The following SIRT1 variants were observed in gnomAD, a reference collection of about 807,000 sequenced individuals.
The protein encoded by SIRT1 is NAD-dependent protein deacetylase sirtuin-1.
SIRT1 carries 24 observed loss-of-function variants against 67.9 expected under a neutral mutation model. The ratio of observed to expected loss-of-function variants is 0.35; its 90% CI spans 0.26 to 0.50. The LOEUF is 0.50. SIRT1 is among the 20% of genes least tolerant of loss of function. The pLI is 0.98. For missense variants in SIRT1, 873 were observed against 937.2 expected (o/e 0.93, Z 0.89); for synonymous variants, 378 against 350.7 (o/e 1.08, Z -0.87).
chr10:67,912,054 G>A (rs1842908778), intron 7 of SIRT1, among the ~76,000 whole-genome samples: 4 of 152,242 alleles, frequency 2.6e-5, no homozygotes, highest in Middle Eastern at 3.4e-3. Context: ...GTGAGCCACT[G>A]TACCCAGCTC....
Position 67,918,067 on chromosome 10 carries a change from A to G in SIRT1, c.*1474A>G, listed in dbSNP as rs2029978769. On this transcript the variant is annotated 3_prime_UTR_variant, in exon 9 of 9. Transcript: ENST00000212015. Reference sequence around the variant, plus strand: ...AATCGTATTGAATGGCCATTTCCCTACTTATAAGATGTCTCAATCTGAATT... The same window carrying G: ...AATCGTATTGAATGGCCATTTCCCTGCTTATAAGATGTCTCAATCTGAATT... 2 of 152,628 alleles carry G rather than the reference A, an allele frequency of 1.3e-5. No homozygotes were observed. The highest frequency in any genetic ancestry group is 2.4e-5 in the African/African-American group (1 of 41,448). 9.5% of individuals were successfully genotyped at this position (152,628 alleles called of 1,614,324 possible). A position where few individuals can be genotyped will look rare whatever the true frequency, so the allele number is the denominator to read the frequency against.
Position 67,909,194 on chromosome 10 carries a change from C to G in SIRT1, c.1171-62C>G. 2.7e-6 allele frequency: 3 copies of G among 1,115,724 alleles called. No individual in the cohort carries two copies. In the South Asian group the frequency reaches 4.9e-5, roughly 18 times the overall value. 69.1% of individuals were successfully genotyped at this position (1,115,724 alleles called of 1,614,324 possible). A position where few individuals can be genotyped will look rare whatever the true frequency, so the allele number is the denominator to read the frequency against. ...ATTCTTAGAGGTATGGAAATGTTGA[C>G]TATTTCTAACTTGGGCTTACTCTTT... On this transcript the variant is annotated intron_variant, in intron 6 of 8. Coordinates refer to ENST00000212015, the MANE Select transcript of SIRT1 (RefSeq NM_012238.5).
chr10:67,894,549 A>C (rs1054439410), intron 4 of SIRT1, among the ~76,000 whole-genome samples: 1 of 152,176 alleles, frequency 6.6e-6, no homozygotes, highest in Non-Finnish European at 1.5e-5. Context: ...CATTGACACT[A>C]TCAGAAGACC....
chr10:67,908,891 G>T (rs1241068102), intron 6 of SIRT1, among the ~76,000 whole-genome samples: 1 of 152,062 alleles, frequency 6.6e-6, no homozygotes, highest in African/African-American at 2.4e-5. Context: ...AACAGAACAA[G>T]ACTCCATCTC....
rs569169888 is a variant in SIRT1 at position 67,893,326 on chromosome 10, T to G, written c.942+1772T>G. ...CCCCACCTCCTGACAGGCCTCTGTG[T>G]GTGGTGTTCCCCACCCTGTGTCCAT... On this transcript the variant is annotated intron_variant, in intron 4 of 8. Coordinates refer to ENST00000212015, the MANE Select transcript of SIRT1 (RefSeq NM_012238.5). Among the ~76,000 whole-genome samples, 9 of 152,250 alleles carry G rather than the reference T, an allele frequency of 5.9e-5. No homozygotes were observed. The South Asian group carries it at 1.9e-3, about 32-fold the overall frequency.
At position 67,884,848 on chromosome 10, in the gene SIRT1, G is replaced by C; in HGVS notation, c.127G>C (p.Gly43Arg). The change falls in exon 1 of 9, where the codon GGC becomes CGC. Residue 43 changes from glycine (G) to arginine (R), a missense_variant. Gly to Arg is a moderately radical substitution (Grantham distance 125, BLOSUM62 -2). Transcript: ENST00000212015. ...CAAGAGGCCGCGGAGAGATGGTCCC[G>C]GCCTCGAGCGGAGCCCGGGCGAGCC... Reference protein sequence around the residue: ...LRKRPRRDGPGLERSPGEPGG... With the variant: ...LRKRPRRDGPRLERSPGEPGG... 8.2e-7 allele frequency: 1 copy of C among 1,213,490 alleles called. No homozygotes were observed. Among genetic ancestry groups the C allele is most frequent in the Non-Finnish European group, 1.0e-6 (1 of 976,996 alleles). The allele number at this position is 1,213,490 out of a possible 1,614,324, so 75.2% of individuals were successfully genotyped here. A position where few individuals can be genotyped will look rare whatever the true frequency, so the allele number is the denominator to read the frequency against.
intron 4 of SIRT1, among the ~76,000 whole-genome samples, chr10:67,900,405 A>T (rs751555876): frequency 1.5e-4 from 23 of 152,110 alleles, no homozygotes; most frequent in Non-Finnish European, 2.5e-4. Context: ...TTGGCCTCCC[A>T]AAGTGCTGGG....
chr10:67,901,538 A>G (rs1471505509), intron 4 of SIRT1, among the ~76,000 whole-genome samples: 2 of 152,234 alleles, frequency 1.3e-5, no homozygotes, highest in African/African-American at 4.8e-5. Context: ...CAGACTGCAT[A>G]GGGTCTCTGT....
Position 67,891,754 on chromosome 10 carries a change from T to C in SIRT1, c.942+200T>C, listed in dbSNP as rs7089559. 4.0e-3 allele frequency among the ~76,000 whole-genome samples: 611 copies of C among 152,334 alleles called. 8 individuals are homozygous for C. The highest frequency in any genetic ancestry group is 0.014 in the African/African-American group (583 of 41,580). On this transcript the variant is annotated intron_variant, in intron 4 of 8. Coordinates refer to ENST00000212015, the MANE Select transcript of SIRT1 (RefSeq NM_012238.5). Reference sequence around the variant, plus strand: ...TATCTACTTCATTTTAGGAGTGAGCTTATTTTCAAAGAGATAGTTCATATT... The same window carrying C: ...TATCTACTTCATTTTAGGAGTGAGCCTATTTTCAAAGAGATAGTTCATATT...
At chr10:67,899,500 GA>G (rs1431753185) in intron 4 of SIRT1, among the ~76,000 whole-genome samples, 12 of 151,448 alleles carry the variant, frequency 7.9e-5, no homozygotes, top group East Asian at 1.9e-4. Context: ...CATTCAGGGG[GA>G]AAAAAAATTT....
At chr10:67,914,879 ATT>A (rs11309410) in intron 8 of SIRT1, among the ~76,000 whole-genome samples, 511 of 120,378 alleles carry the variant, frequency 4.2e-3, no homozygotes, top group Middle Eastern at 8.1e-3. Flanking sequence ...ATGCTCAGCT[ATT>A]TTTTTTTTTT....
chr10:67,904,436 C>T (rs1423130381), intron 4 of SIRT1, among the ~76,000 whole-genome samples: 5 of 152,028 alleles, frequency 3.3e-5, no homozygotes, highest in African/African-American at 1.2e-4. Flanking sequence ...CACACCTGTA[C>T]TACTACTTTT....
intron 8 of SIRT1, among the ~76,000 whole-genome samples, chr10:67,914,280 C>G (rs1262205845): frequency 6.6e-6 from 1 of 152,032 alleles, no homozygotes; most frequent in African/African-American, 2.4e-5. Context: ...CCATGTTGGT[C>G]AGGCTGGTCT....
In SIRT1 at chr10:67,909,294, G is replaced by A. The variant is rs756204143; in HGVS notation, c.1209G>A (p.Pro403=). The A allele has an allele frequency of 9.1e-5, 147 of 1,611,572 alleles. 1 individual carries two copies. The Admixed American group carries it at 1.8e-3, about 20-fold the overall frequency. ...GTCCTAGGTGCCCAGCTGATGAACCGCTTGCTATCATGAAACCAGAGATTG... is the reference window on the plus strand; with the variant it reads ...GTCCTAGGTGCCCAGCTGATGAACCACTTGCTATCATGAAACCAGAGATTG... ...PRCPRCPADE[P]LAIMKPEIVF... Residue 403 remains proline, a synonymous_variant, in exon 7 of 9, where the codon CCG becomes CCA. Coordinates refer to ENST00000212015, the MANE Select transcript of SIRT1 (RefSeq NM_012238.5).
intron 8 of SIRT1, 110 bp from the exon 9 acceptor site, chr10:67,916,155 T>C (rs1265056472): frequency 1.1e-5 from 11 of 959,046 alleles, no homozygotes; most frequent in Non-Finnish European, 1.7e-5. Flanking sequence ...TAGTCTTTCA[T>C]AAGGACACTT....
rs143399886 is a variant in SIRT1 at position 67,912,484 on chromosome 10, C to T, written c.1368C>T (p.Pro456=). Reference sequence around the variant, plus strand: ...TTCACCCTATTTTAGGTTCCATACCCCATGAAGTGCCTCAGATATTAATTA... The same window carrying T: ...TTCACCCTATTTTAGGTTCCATACCTCATGAAGTGCCTCAGATATTAATTA... ...RPVALIPSSI[P]HEVPQILINR... is the part of the protein sequence containing the mutation. Residue 456 remains proline (P), a synonymous_variant, in exon 8 of 9, where the codon CCC becomes CCT. Coordinates refer to ENST00000212015, the MANE Select transcript of SIRT1 (RefSeq NM_012238.5). 1 of 1,607,916 alleles carries T rather than the reference C, an allele frequency of 6.2e-7. No homozygotes were observed. The highest frequency in any genetic ancestry group is 1.1e-5 in the South Asian group (1 of 89,420).
At chr10:67,885,944 T>TTC (rs1842472391) in intron 1 of SIRT1, among the ~76,000 whole-genome samples, 1 of 124,464 alleles carries the variant, frequency 8.0e-6, no homozygotes, top group Non-Finnish European at 1.7e-5. Flanking sequence ...AAGGTTTCTT[T>TTC]TTTTTTTTTT....
intron 4 of SIRT1, among the ~76,000 whole-genome samples, chr10:67,892,581 A>G (rs1842590432): frequency 6.6e-6 from 1 of 151,160 alleles, no homozygotes; most frequent in African/African-American, 2.4e-5. Context: ...AAATATATGT[A>G]TGTTTTTTGA....
At chr10:67,895,237 C>T (rs966859782) in intron 4 of SIRT1, among the ~76,000 whole-genome samples, 10 of 152,058 alleles carry the variant, frequency 6.6e-5, no homozygotes, top group African/African-American at 1.9e-4. Context: ...CTGGCCAACA[C>T]AGCAATACCC....
Sources: gnomAD v4.1 joint callset for allele counts (sites outside exome capture counted in the v4.1 genomes callset) on GRCh38, gnomAD v4.1.1 for gene constraint, MANE v1.5 for transcripts, NCBI Gene and HGNC (gene_info 2026-07-23, HGNC 2026-07-21) for gene names.